Variants in PRR5 observed in about 807,000 individuals in gnomAD.
PRR5 encodes the protein proline rich 5.
In PRR5, 25 loss-of-function variants were observed where a neutral mutation model predicts 30.6. That is an observed-to-expected ratio of 0.82 (90% confidence interval 0.60 to 1.14). PRR5 has a LOEUF of 1.14. PRR5 is among the 50% of genes most tolerant of loss of function. The pLI, the probability that PRR5 is intolerant of heterozygous loss-of-function variation, is 0.00. For missense variants in PRR5, 600 were observed against 547.1 expected (o/e 1.10, Z -0.96); for synonymous variants, 286 against 247.1 (o/e 1.16, Z -1.48).
At chr22:44,700,822 T>C (rs563945494), upstream of PRR5, among the ~76,000 whole-genome samples, 5 of 152,286 alleles carry the variant, frequency 3.3e-5, no homozygotes, top group Admixed American at 2.6e-4. Context: ...GAGACACTGG[T>C]TGATTTGCAC....
Position 44,669,715 on chromosome 22 carries a change from C to T in PRR5, c.-11+910C>T, listed in dbSNP as rs1248132714. ...CAGCGACTGGGTCACTTCCTCCAAG[C>T]GGCCTCCACTTCCCTACCAGTGGCA... On this transcript the variant is annotated intron_variant, in intron 1 of 8. Transcript: ENST00000432186. Among the ~76,000 whole-genome samples, 5 of 152,184 alleles carry T rather than the reference C, an allele frequency of 3.3e-5. No homozygotes were observed. The East Asian group carries it at 9.7e-4, about 29-fold the overall frequency.
intron 1 of PRR5, chr22:44,679,596 A>G (rs929901943): frequency 2.1e-6 from 1 of 473,780 alleles, no homozygotes; most frequent in Non-Finnish European, 3.9e-6. Context: ...AATCCCGGCT[A>G]CTCGGGAGGC....
rs113064920 is a variant in PRR5 at position 44,720,408 on chromosome 22, A to G, written c.216-4836A>G. Among the ~76,000 whole-genome samples, 28 of 152,240 alleles carry G rather than the reference A, an allele frequency of 1.8e-4. 1 individual carries two copies. The highest frequency in any genetic ancestry group is 8.8e-5 in the Non-Finnish European group (6 of 68,056). On this transcript the variant is annotated intron_variant, in intron 2 of 7. Coordinates refer to ENST00000336985, the MANE Select transcript of PRR5 (RefSeq NM_181333.4). Reference sequence around the variant, plus strand: ...CCTTTGACTTCAACAGTGCGCTTCCAGAGCCTCAGTCTCCCCATCTCTGGA... The same window carrying G: ...CCTTTGACTTCAACAGTGCGCTTCCGGAGCCTCAGTCTCCCCATCTCTGGA...
At chr22:44,706,710 T>A (rs1927259734) in intron 1 of PRR5, among the ~76,000 whole-genome samples, 1 of 151,870 alleles carries the variant, frequency 6.6e-6, no homozygotes. Flanking sequence ...GTATTTTTGG[T>A]GGAGATAGGG....
intron 1 of PRR5, among the ~76,000 whole-genome samples, chr22:44,695,450 G>T (rs961148096): frequency 3.3e-5 from 5 of 152,208 alleles, no homozygotes; most frequent in African/African-American, 9.6e-5. Flanking sequence ...GGTATTTTTG[G>T]TGTGTGATTG....
chr22:44,736,842 C>T lies in PRR5; in HGVS notation c.762C>T (p.Ser254=). The T allele has an allele frequency of 1.2e-6, 2 of 1,602,022 alleles. No individual in the cohort carries two copies. Among genetic ancestry groups the T allele is most frequent in the South Asian group, 1.1e-5 (1 of 90,684 alleles). ...LAKNPVVRSK[S]YNTPLLNPVQ... is the part of the protein sequence containing the mutation. ...AGAACCCTGTGGTGCGCTCCAAGAG[C>T]TACAACACGCCTCTGCTGAACCCCG... The change falls in exon 8 of 8, where the codon AGC becomes AGT. Residue 254 remains serine (S), a synonymous_variant. Transcript: ENST00000336985.
upstream of PRR5, among the ~76,000 whole-genome samples, chr22:44,698,275 AG>A (rs945478903): frequency 9.2e-5 from 14 of 152,048 alleles, no homozygotes; most frequent in African/African-American, 3.1e-4. Flanking sequence ...TTCCTGGAGC[AG>A]GGGCCACTCT....
intron 1 of PRR5, among the ~76,000 whole-genome samples, chr22:44,681,974 G>A (rs1489866588): frequency 6.6e-6 from 1 of 152,202 alleles, no homozygotes; most frequent in Non-Finnish European, 1.5e-5. Flanking sequence ...TGGCTGGAGG[G>A]AGGAGCCGGC....
intron 1 of PRR5, among the ~76,000 whole-genome samples, chr22:44,687,268 A>G (rs889007462): frequency 3.3e-5 from 5 of 152,220 alleles, no homozygotes; most frequent in African/African-American, 9.7e-5. Context: ...TCAAACATCT[A>G]TATTGTCTTT....
Position 44,737,205 on chromosome 22 carries a change from G to A in PRR5, c.1125G>A (p.Met375Ile), listed in dbSNP as rs1012472452. 2.5e-6 allele frequency: 4 copies of A among 1,610,654 alleles called. No homozygotes were observed. The highest frequency in any genetic ancestry group is 3.4e-6 in the Non-Finnish European group (4 of 1,178,256). The change falls in exon 8 of 8, where the codon ATG becomes ATA. Residue 375 changes from methionine to isoleucine, a missense_variant. Physicochemically the swap from Met to Ile is conservative, Grantham distance 10 (BLOSUM62 1). Transcript: ENST00000336985. ...TTGGCCGGGGCCGGGGCTCTGGCAT[G>A]TCCGACTTGGAGGGCTCTGGGGGCC... is the stretch of plus-strand genomic sequence containing the variant. ...IDFGRGRGSG[M>I]SDLEGSGGRQ... is the part of the protein sequence containing the mutation.
Position 44,686,777 on chromosome 22 carries a change from G to T in PRR5, c.-11+9537G>T, listed in dbSNP as rs181443682. ...GATCCGCCTGCCTTGGCCTCCCAAA[G>T]TAATTTTTGTATTTTTAATAGAGAC... On this transcript the variant is annotated intron_variant, in intron 1 of 8. Coordinates refer to the PRR5 transcript ENST00000006251. Among the ~76,000 whole-genome samples the T allele has an allele frequency of 1.9e-3, 286 of 152,290 alleles. 5 individuals are homozygous for T. The South Asian group carries it at 0.02, about 11-fold the overall frequency.
chr22:44,737,311 G>T lies in PRR5; in HGVS notation c.*64G>T, dbSNP rs911805717. ...CTGTGTGCGGGGGTGTCCATGTGGC[G>T]TGTGTGTGAGTGAGACTTTTTTACT... On this transcript the variant is annotated 3_prime_UTR_variant, in exon 8 of 8. Coordinates refer to ENST00000336985, the MANE Select transcript of PRR5 (RefSeq NM_181333.4). 3 of 1,520,190 alleles carry T rather than the reference G, an allele frequency of 2.0e-6. No individual in the cohort carries two copies. Among genetic ancestry groups the T allele is most frequent in the African/African-American group, 1.4e-5 (1 of 72,432 alleles). The allele number at this position is 1,520,190 out of a possible 1,614,324, so 94.2% of individuals were successfully genotyped here. A position where few individuals can be genotyped will look rare whatever the true frequency, so the allele number is the denominator to read the frequency against.
At chr22:44,715,604 T>A (rs1928935877) in intron 2 of PRR5, among the ~76,000 whole-genome samples, 1 of 152,048 alleles carries the variant, frequency 6.6e-6, no homozygotes, top group Non-Finnish European at 1.5e-5. Flanking sequence ...GATGAGCCTC[T>A]GCTTCAGGAA....
At position 44,737,337 on chromosome 22, in the gene PRR5, G is replaced by A; in HGVS notation, c.*90G>A. 6.7e-7 allele frequency: 1 copy of A among 1,488,644 alleles called. No homozygotes were observed. Among genetic ancestry groups the A allele is most frequent in the Non-Finnish European group, 8.9e-7 (1 of 1,120,460 alleles). 92.2% of individuals were successfully genotyped at this position (1,488,644 alleles called of 1,614,324 possible). A position where few individuals can be genotyped will look rare whatever the true frequency, so the allele number is the denominator to read the frequency against. ...TGTGTGTGAGTGAGACTTTTTTACT[G>A]CGTCCCGTCCCGCCAGCCCTATCGG... On this transcript the variant is annotated 3_prime_UTR_variant, in exon 8 of 8. Coordinates refer to ENST00000336985, the MANE Select transcript of PRR5 (RefSeq NM_181333.4).
intron 1 of PRR5, among the ~76,000 whole-genome samples, chr22:44,696,754 T>TATTTATTG (rs397801311): frequency 1.6e-3 from 244 of 152,122 alleles, no homozygotes; most frequent in African/African-American, 5.7e-3. Context: ...TTTATTTATT[T>TATTTATTG]GAGATGCAGT....
At chr22:44,678,918 A>G (rs1018166438) in intron 1 of PRR5, among the ~76,000 whole-genome samples, 6 of 152,202 alleles carry the variant, frequency 3.9e-5, no homozygotes, top group South Asian at 2.1e-4. Flanking sequence ...AGCGACAGAC[A>G]TCAGGGCACC....
At chr22:44,705,576 C>T (rs960332996) in intron 1 of PRR5, among the ~76,000 whole-genome samples, 14 of 152,088 alleles carry the variant, frequency 9.2e-5, no homozygotes, top group Non-Finnish European at 1.5e-5. Context: ...CTGCCCACCT[C>T]GGCCTCCCAA....
At chr22:44,698,063 C>T (rs1045327549), upstream of PRR5, among the ~76,000 whole-genome samples, 2 of 151,838 alleles carry the variant, frequency 1.3e-5, no homozygotes, top group African/African-American at 4.8e-5. Flanking sequence ...CTGTTCCTGT[C>T]CCCTGGGTGT....
chr22:44,729,868 G>A (rs1391636992), intron 4 of PRR5: 2 of 985,450 alleles, frequency 2.0e-6, no homozygotes, highest in African/African-American at 1.7e-5. Context: ...GCCACCCCCC[G>A]GCCAGCCCGG....
Sources: allele counts gnomAD v4.1 joint callset (sites outside exome capture counted in the v4.1 genomes callset), GRCh38; gene constraint gnomAD v4.1.1; transcripts MANE v1.5; gene names NCBI Gene and HGNC (gene_info 2026-07-23, HGNC 2026-07-21).